The following NFIC variants were observed in gnomAD, a reference collection of about 807,000 sequenced individuals.
NFIC encodes the protein nuclear factor 1 C-type.
In NFIC, 12 loss-of-function variants were observed where a neutral mutation model predicts 54.4. That is an observed-to-expected ratio of 0.22 (90% confidence interval 0.14 to 0.36). The LOEUF (loss-of-function observed/expected upper bound fraction) is 0.36, where lower values mean the gene tolerates loss of function less well. Among genes scored for constraint, NFIC ranks in the 10% least tolerant of loss-of-function variants. The probability of loss-of-function intolerance (pLI) is 1.00; values close to 1 mark genes in which losing one functional copy is unlikely to be tolerated. For missense variants in NFIC, 575 were observed against 718.2 expected, an observed-to-expected ratio of 0.80 and a Z score of 2.28; for synonymous variants, 322 against 319.2, an observed-to-expected ratio of 1.01 and a Z score of -0.09.
intron 2 of NFIC, among the ~76,000 whole-genome samples, chr19:3,382,497 A>G (rs898670223): frequency 6.7e-6 from 1 of 149,672 alleles, no homozygotes; most frequent in East Asian, 2.0e-4. Flanking sequence ...TATGTAAAGT[A>G]GGTGATATGG....
chr19:3,448,774 A>G (rs2082410190), intron 6 of NFIC, among the ~76,000 whole-genome samples: 1 of 152,034 alleles, frequency 6.6e-6, no homozygotes, highest in Admixed American at 6.5e-5. Flanking sequence ...GCCCAGGGGC[A>G]CGTGTTGATA....
chr19:3,393,186 A>G (rs2081403280), intron 2 of NFIC, among the ~76,000 whole-genome samples: 1 of 151,954 alleles, frequency 6.6e-6, no homozygotes, highest in African/African-American at 2.4e-5. Flanking sequence ...CGGCCTCCCG[A>G]ATTGCTGGGA....
Position 3,467,212 on chromosome 19 carries a change from G to GCCC in NFIC, c.*4452_*4454dup, listed in dbSNP as rs374469121. On this transcript the variant is annotated 3_prime_UTR_variant, in exon 11 of 11. Transcript: ENST00000443272. Reference sequence around the variant, plus strand: ...GCTATGGACACCACACCTATGCCAGGCCCCCCCCCCCACCCCAGTCTCATT... The same window carrying GCCC: ...GCTATGGACACCACACCTATGCCAGGCCCCCCCCCCCCCCACCCCAGTCTCATT... 2.3e-5 allele frequency: 2 copies of GCCC among 88,204 alleles called. No homozygotes were observed. Among genetic ancestry groups the GCCC allele is most frequent in the African/African-American group, 9.6e-5 (2 of 20,826 alleles). 5.5% of individuals were successfully genotyped at this position (88,204 alleles called of 1,614,324 possible).
At position 3,453,154 on chromosome 19, in the gene NFIC, G is replaced by T. The variant is rs1012987429; in HGVS notation, c.1269+488G>T. Among the ~76,000 whole-genome samples the T allele has an allele frequency of 6.6e-6, 1 of 152,174 alleles. No individual in the cohort carries two copies. The highest frequency in any genetic ancestry group is 2.1e-4 in the South Asian group (1 of 4,832). ...CTCAGGAGGCTGAGGTGGGAGGATC[G>T]CTTGAACCTGGGAGGTCGAGGCTGC... On this transcript the variant is annotated intron_variant, in intron 8 of 10. Coordinates refer to ENST00000443272, the MANE Select transcript of NFIC (RefSeq NM_001245002.2). The surrounding 1 kb of genome is among the most constrained non-coding windows in gnomAD (Gnocchi z 6.7).
Position 3,369,251 on chromosome 19 carries a change from T to G in NFIC, c.30+2585T>G, listed in dbSNP as rs980673023. ...CTGCCCCCTTCCTCTCTGTCTCTGT[T>G]TCTCTCCAATATGTCTGTCTGTCTC... On this transcript the variant is annotated intron_variant, in intron 1 of 10. Transcript: ENST00000443272. This position sits in a 1 kb window ranked among gnomAD's most constrained non-coding sequence, Gnocchi z 4.3. 2.6e-5 allele frequency among the ~76,000 whole-genome samples: 4 copies of G among 151,974 alleles called. No homozygotes were observed. Among genetic ancestry groups the G allele is most frequent in the African/African-American group, 9.7e-5 (4 of 41,338 alleles).
intron 9 of NFIC, chr19:3,454,176 C>G: frequency 7.9e-7 from 1 of 1,258,174 alleles, no homozygotes; most frequent in Non-Finnish European, 1.0e-6. Context: ...CCTGGGGGAC[C>G]CCGGTGCCCG....
chr19:3,388,081 C>T (rs2081325503), intron 2 of NFIC, among the ~76,000 whole-genome samples: 2 of 152,166 alleles, frequency 1.3e-5, no homozygotes, highest in Non-Finnish European at 1.5e-5. Context: ...CTGCTGACGC[C>T]GCCATGGGCC....
chr19:3,452,333 G>C lies in NFIC; in HGVS notation c.1085-149G>C, dbSNP rs1568195947. The C allele has an allele frequency of 9.2e-6, 9 of 976,914 alleles. No homozygotes were observed. Among genetic ancestry groups the C allele is most frequent in the Admixed American group, 2.3e-5 (1 of 43,538 alleles). The allele number at this position is 976,914 out of a possible 1,614,324, so 60.5% of individuals were successfully genotyped here. A position where few individuals can be genotyped will look rare whatever the true frequency, so the allele number is the denominator to read the frequency against. On this transcript the variant is annotated intron_variant, in intron 7 of 10. Coordinates refer to ENST00000443272, the MANE Select transcript of NFIC (RefSeq NM_001245002.2). This position sits in a 1 kb window ranked among gnomAD's most constrained non-coding sequence, Gnocchi z 5.3. The stretch of plus-strand genomic sequence containing the variant: ...GTCGGGGAATTTGGGTGTCAATGTG[G>C]TCAGTGCTGCTGGGTTTTTTTGGTG...
intron 3 of NFIC, among the ~76,000 whole-genome samples, chr19:3,432,274 C>G (rs2082131736): frequency 6.6e-6 from 1 of 152,250 alleles, no homozygotes; most frequent in Non-Finnish European, 1.5e-5. Flanking sequence ...AGGAGCAATG[C>G]TGGGGACACT....
At chr19:3,426,885 T>G (rs796358403) in intron 3 of NFIC, among the ~76,000 whole-genome samples, 7 of 150,958 alleles carry the variant, frequency 4.6e-5, no homozygotes, top group African/African-American at 1.7e-4. Context: ...AGGTCTACCC[T>G]AAACCCCTTC....
At chr19:3,374,819 C>T (rs570713119) in intron 1 of NFIC, among the ~76,000 whole-genome samples, 29 of 152,252 alleles carry the variant, frequency 1.9e-4, no homozygotes, top group African/African-American at 6.5e-4. Flanking sequence ...GAGTGACAAC[C>T]GGCCAACCAG....
chr19:3,408,902 A>T (rs547570652), intron 2 of NFIC, among the ~76,000 whole-genome samples: 5 of 152,138 alleles, frequency 3.3e-5, no homozygotes, highest in African/African-American at 7.2e-5. Flanking sequence ...GCTAATTTTT[A>T]AAAATATTTT....
intron 2 of NFIC, among the ~76,000 whole-genome samples, chr19:3,389,313 C>T (rs2081344587): frequency 6.6e-6 from 1 of 152,062 alleles, no homozygotes; most frequent in South Asian, 2.1e-4. Flanking sequence ...TGCTGTGTGG[C>T]TTTGAGAAAA....
chr19:3,441,776 C>A (rs1327106143), intron 6 of NFIC, among the ~76,000 whole-genome samples: 1 of 152,186 alleles, frequency 6.6e-6, no homozygotes, highest in Non-Finnish European at 1.5e-5. Context: ...CCGGGTGCCT[C>A]CGCAGAGGGA....
intron 6 of NFIC, among the ~76,000 whole-genome samples, chr19:3,439,335 A>G (rs76141253): frequency 3.6e-5 from 1 of 27,454 alleles, no homozygotes; most frequent in Non-Finnish European, 5.9e-5. Context: ...CCCTGTCTCA[A>G]AAAAAAAAAA....
At chr19:3,390,127 C>T (rs755150911) in intron 2 of NFIC, among the ~76,000 whole-genome samples, 5 of 152,342 alleles carry the variant, frequency 3.3e-5, no homozygotes, top group African/African-American at 4.8e-5. Context: ...GTGGGGGCAC[C>T]GTGACCCAGG....
chr19:3,376,854 G>A (rs924237309), intron 1 of NFIC, among the ~76,000 whole-genome samples: 74 of 151,986 alleles, frequency 4.9e-4, no homozygotes, highest in African/African-American at 1.4e-3. Flanking sequence ...TTAGCCTCCC[G>A]AGTAGCTGGG....
chr19:3,405,673 C>T (rs748095873), intron 2 of NFIC, among the ~76,000 whole-genome samples: 1 of 151,820 alleles, frequency 6.6e-6, no homozygotes, highest in Non-Finnish European at 1.5e-5. Context: ...GATCTCGGCT[C>T]ACTGCAACCT....
chr19:3,421,073 G>A (rs996481710), intron 2 of NFIC, among the ~76,000 whole-genome samples: 1 of 152,208 alleles, frequency 6.6e-6, no homozygotes, highest in Non-Finnish European at 1.5e-5. Flanking sequence ...TCCAAGAGGG[G>A]GTGCTATAGT....
Sources: gnomAD v4.1 joint callset for allele counts (sites outside exome capture counted in the v4.1 genomes callset) on GRCh38, gnomAD v4.1.1 for gene constraint, Gnocchi (gnomAD v3.1) non-coding constraint, MANE v1.5 for transcripts, NCBI Gene and HGNC (gene_info 2026-07-23, HGNC 2026-07-21) for gene names.